UNC5C: variants seen among roughly 807,000 people sequenced by gnomAD.
UNC5C encodes the protein netrin receptor UNC5C.
A neutral mutation model predicts 99.8 loss-of-function variants in UNC5C; 47 were observed. That is an observed-to-expected ratio of 0.47 (90% CI 0.37 to 0.60). The LOEUF is 0.60. UNC5C is among the 20% of genes least tolerant of loss of function. UNC5C has a pLI of 0.00. For missense variants in UNC5C, 1,062 were observed against 1,165.9 expected (o/e 0.91, Z 1.30); for synonymous variants, 487 against 452.2 (o/e 1.08, Z -0.98).
At chr4:95,350,081 C>T (rs1472913558) in intron 1 of UNC5C, among the ~76,000 whole-genome samples, 1 of 152,092 alleles carries the variant, frequency 6.6e-6, no homozygotes, top group Non-Finnish European at 1.5e-5. Flanking sequence ...ATGTAAATAT[C>T]ATGTTTATAA....
chr4:95,179,050 A>G (rs1179914984), intron 14 of UNC5C, among the ~76,000 whole-genome samples: 2 of 152,250 alleles, frequency 1.3e-5, no homozygotes, highest in African/African-American at 2.4e-5. Context: ...TTATTTCAAT[A>G]ATCATTTATA....
chr4:95,309,790 A>G (rs1313423079), intron 2 of UNC5C, among the ~76,000 whole-genome samples: 12 of 152,208 alleles, frequency 7.9e-5, no homozygotes, highest in Admixed American at 7.9e-4. Context: ...GTGTTGGCAA[A>G]GGATATGGGG....
intron 3 of UNC5C, among the ~76,000 whole-genome samples, chr4:95,292,816 A>G (rs1741527704): frequency 6.6e-6 from 1 of 152,140 alleles, no homozygotes; most frequent in South Asian, 2.1e-4. Context: ...ATTCAATTTT[A>G]TTTCATTTTT....
chr4:95,538,886 G>A (rs570446244), intron 1 of UNC5C, among the ~76,000 whole-genome samples: 10 of 152,030 alleles, frequency 6.6e-5, no homozygotes, highest in East Asian at 5.8e-4. Context: ...TTCCTTCCTC[G>A]CAATTGACTT....
intron 4 of UNC5C, among the ~76,000 whole-genome samples, chr4:95,252,710 A>C (rs1385035313): frequency 6.6e-6 from 1 of 152,192 alleles, no homozygotes; most frequent in African/African-American, 2.4e-5. Flanking sequence ...CACCAACGTG[A>C]CACCACAAGT....
rs376168657 is a variant in UNC5C, at chr4:95,310,450, CA to C, written c.347-8702del. ...AGTAGATTTTTAAGTGTTCTCATTA[CA>C]AAAAAAATGAGAAATATATGAGGTG... On this transcript the variant is annotated intron_variant, in intron 2 of 15. Transcript: ENST00000453304. Among the ~76,000 whole-genome samples, 426 of 151,116 alleles carry C rather than the reference CA, an allele frequency of 2.8e-3. 1 individual carries two copies. The highest frequency in any genetic ancestry group is 9.8e-3 in the African/African-American group (405 of 41,150).
chr4:95,455,488 G>T (rs1449726631), intron 1 of UNC5C, among the ~76,000 whole-genome samples: 2 of 151,982 alleles, frequency 1.3e-5, no homozygotes, highest in Non-Finnish European at 2.9e-5. Flanking sequence ...AAAGTAGCAA[G>T]ACTCCATCTC....
At chr4:95,212,645 GA>G (rs1738112289) in intron 10 of UNC5C, among the ~76,000 whole-genome samples, 1 of 151,982 alleles carries the variant, frequency 6.6e-6, no homozygotes, top group Non-Finnish European at 1.5e-5. Context: ...TCCTTGCCGT[GA>G]CTTCACTTCC....
At position 95,204,533 on chromosome 4, in the gene UNC5C, T is replaced by A. The variant is rs140720498; in HGVS notation, c.1903-1569A>T. On this transcript the variant is annotated intron_variant, in intron 11 of 15. Coordinates refer to ENST00000453304, the MANE Select transcript of UNC5C (RefSeq NM_003728.4). ...GGCCAAGTATGGACAAAGCCTCACA[T>A]GTTCCAAGACAGGCTGGAAGTTCAG... Among the ~76,000 whole-genome samples, 605 of 152,374 alleles carry A rather than the reference T, an allele frequency of 4.0e-3. 3 individuals carry two copies. The highest frequency in any genetic ancestry group is 0.034 in the Middle Eastern group (10 of 294).
intron 4 of UNC5C, 67 bp downstream of exon 4, chr4:95,278,192 A>G (rs973263249): frequency 1.7e-5 from 22 of 1,306,638 alleles, no homozygotes; most frequent in African/African-American, 1.6e-4. Context: ...ACCATTAGCC[A>G]TGGATTAGGC....
chr4:95,212,681 C>A lies in UNC5C; in HGVS notation c.1733+3443G>T, dbSNP rs181505523. On this transcript the variant is annotated intron_variant, in intron 10 of 15. Transcript: ENST00000453304. ...CACGTCCCTAGCAGGAATCCACATC[C>A]CCACTCACACTGAACGCATCCAAAC... is the stretch of plus-strand genomic sequence containing the variant. Among the ~76,000 whole-genome samples the A allele has an allele frequency of 1.3e-3, 204 of 152,272 alleles. No homozygotes were observed. In the Middle Eastern group the frequency reaches 0.014, roughly 10 times the overall value.
chr4:95,483,292 T>A (rs1721224051), intron 1 of UNC5C, among the ~76,000 whole-genome samples: 1 of 151,824 alleles, frequency 6.6e-6, no homozygotes, highest in African/African-American at 2.4e-5. Flanking sequence ...AGGGTATTAA[T>A]ATTCTTCCTT....
rs542305348 is a variant in UNC5C at position 95,366,486 on chromosome 4, A to G, written c.125-30855T>C. On this transcript the variant is annotated intron_variant, in intron 1 of 15. Coordinates refer to ENST00000453304, the MANE Select transcript of UNC5C (RefSeq NM_003728.4). ...TGAAGGCAACACAATTAAAATCCCA[A>G]TCTCTTTCCTGGATGGCTCTATGTT... Among the ~76,000 whole-genome samples, 8 of 152,254 alleles carry G rather than the reference A, an allele frequency of 5.3e-5. No individual in the cohort carries two copies. The South Asian group carries it at 6.2e-4, about 12-fold the overall frequency.
At chr4:95,434,115 G>T (rs1374003517) in intron 1 of UNC5C, among the ~76,000 whole-genome samples, 1 of 152,024 alleles carries the variant, frequency 6.6e-6, no homozygotes, top group Admixed American at 6.6e-5. Flanking sequence ...TAGTTTACAT[G>T]TTCCATGATT....
intron 14 of UNC5C, among the ~76,000 whole-genome samples, chr4:95,177,858 C>T (rs1319923577): frequency 6.8e-6 from 1 of 146,698 alleles, no homozygotes; most frequent in Non-Finnish European, 1.5e-5. Context: ...TGCACCATCA[C>T]ACTGGGCTAA....
chr4:95,295,155 T>C (rs571490680), intron 3 of UNC5C, among the ~76,000 whole-genome samples: 1 of 152,320 alleles, frequency 6.6e-6, no homozygotes, highest in South Asian at 2.1e-4. Flanking sequence ...TATGTTAATA[T>C]TTTGCCTGAA....
intron 4 of UNC5C, among the ~76,000 whole-genome samples, chr4:95,256,713 T>TATAA (rs1740004954): frequency 6.9e-6 from 1 of 143,894 alleles, no homozygotes. Context: ...TATATATATA[T>TATAA]ATATATATGA....
chr4:95,347,268 C>G lies in UNC5C; in HGVS notation c.125-11637G>C, dbSNP rs375957937. Among the ~76,000 whole-genome samples, 15 of 151,844 alleles carry G rather than the reference C, an allele frequency of 9.9e-5. No individual in the cohort carries two copies. The East Asian group carries it at 2.7e-3, about 27-fold the overall frequency. ...GACAGAAGAAATTGAAGAGGACACACAAAAATGGAAAGATATTCCATGTTC... is the reference window on the plus strand; with the variant it reads ...GACAGAAGAAATTGAAGAGGACACAGAAAAATGGAAAGATATTCCATGTTC... On this transcript the variant is annotated intron_variant, in intron 1 of 15. Coordinates refer to ENST00000453304, the MANE Select transcript of UNC5C (RefSeq NM_003728.4).
At chr4:95,331,338 AGTG>A (rs1369609274) in intron 2 of UNC5C, among the ~76,000 whole-genome samples, 1 of 152,116 alleles carries the variant, frequency 6.6e-6, no homozygotes, top group Non-Finnish European at 1.5e-5. Context: ...GATGCCAAGT[AGTG>A]GTATTGCTGG....
Sources: gnomAD v4.1 joint callset for allele counts (sites outside exome capture counted in the v4.1 genomes callset) on GRCh38, gnomAD v4.1.1 for gene constraint, MANE v1.5 for transcripts, NCBI Gene and HGNC (gene_info 2026-07-23, HGNC 2026-07-21) for gene names.